Variants in PLXDC2 observed in about 807,000 individuals in gnomAD.
PLXDC2 encodes the protein plexin domain-containing protein 2.
PLXDC2 carries 40 observed loss-of-function variants against 68.9 expected under a neutral mutation model. The observed-to-expected ratio is 0.58, with a 90% CI of 0.45 to 0.76. The LOEUF is 0.76. Ranked by LOEUF, PLXDC2 falls within the 30% of genes least tolerant of loss-of-function variation. The probability of loss-of-function intolerance (pLI) is 0.00; values close to 1 mark genes in which losing one functional copy is unlikely to be tolerated. For missense variants in PLXDC2, 644 were observed against 661.9 expected, an observed-to-expected ratio of 0.97 and a Z score of 0.30; for synonymous variants, 243 against 234.2, an observed-to-expected ratio of 1.04 and a Z score of -0.34.
intron 9 of PLXDC2, among the ~76,000 whole-genome samples, chr10:20,207,802 C>A (rs75663357): frequency 1.3e-5 from 2 of 152,098 alleles, no homozygotes; most frequent in Admixed American, 6.6e-5. Context: ...CACACTTAAG[C>A]TTGTTCAACA....
intron 1 of PLXDC2, among the ~76,000 whole-genome samples, chr10:19,862,548 T>C (rs768685331): frequency 6.6e-6 from 1 of 152,234 alleles, no homozygotes; most frequent in Non-Finnish European, 1.5e-5. Context: ...TTCTCTTCTC[T>C]TAATTTGTGT....
intron 1 of PLXDC2, among the ~76,000 whole-genome samples, chr10:19,822,029 C>A (rs937547531): frequency 1.8e-4 from 28 of 151,938 alleles, no homozygotes; most frequent in African/African-American, 6.5e-4. Flanking sequence ...ATTTGTATTT[C>A]CGTGTCTGAA....
chr10:20,061,887 T>TG (rs1487584951), intron 3 of PLXDC2, among the ~76,000 whole-genome samples: 1 of 152,222 alleles, frequency 6.6e-6, no homozygotes, highest in Non-Finnish European at 1.5e-5. Context: ...GATAATGCAC[T>TG]GGTGTATTTG....
At chr10:19,819,031 T>TACACACACACACACACACACACAC in intron 1 of PLXDC2, among the ~76,000 whole-genome samples, 1 of 147,724 alleles carries the variant, frequency 6.8e-6, no homozygotes, top group East Asian at 2.0e-4. Flanking sequence ...AATATATGTA[T>TACACACACACACACACACACACAC]ACACACACAC....
At chr10:20,177,484 A>T in intron 9 of PLXDC2, 75 bp downstream of exon 9, 1 of 763,534 alleles carries the variant, frequency 1.3e-6, no homozygotes, top group Non-Finnish European at 1.8e-6. Flanking sequence ...AAAATAACTT[A>T]TGGACAGGTG....
intron 1 of PLXDC2, among the ~76,000 whole-genome samples, chr10:19,939,630 T>A (rs974035210): frequency 1.3e-5 from 2 of 152,140 alleles, no homozygotes; most frequent in Admixed American, 6.5e-5. Flanking sequence ...GGGCTGAAAA[T>A]TTTTCCCTCT....
chr10:20,063,013 A>G (rs1836132527), intron 3 of PLXDC2, among the ~76,000 whole-genome samples: 1 of 152,130 alleles, frequency 6.6e-6, no homozygotes, highest in African/African-American at 2.4e-5. Flanking sequence ...TTTTTGAAAA[A>G]AAATCATAAA....
intron 6 of PLXDC2, among the ~76,000 whole-genome samples, chr10:20,160,866 G>A (rs1458978737): frequency 6.6e-6 from 1 of 152,130 alleles, no homozygotes; most frequent in South Asian, 2.1e-4. Flanking sequence ...GTGTGCACCT[G>A]TAGTCCCAGC....
At chr10:19,885,347 C>G (rs1305631578) in intron 1 of PLXDC2, among the ~76,000 whole-genome samples, 1 of 150,740 alleles carries the variant, frequency 6.6e-6, no homozygotes, top group African/African-American at 2.4e-5. Flanking sequence ...TGCAGAAGCT[C>G]TTTAGTTTAA....
chr10:20,146,522 C>CCTTCCTTCCTT (rs34536505), intron 5 of PLXDC2, among the ~76,000 whole-genome samples: 6 of 13,546 alleles, frequency 4.4e-4, no homozygotes, highest in African/African-American at 7.7e-4. Flanking sequence ...CTTCCTTCCT[C>CCTTCCTTCCTT]CCTCCCTCCC....
chr10:19,851,634 C>T (rs1454315904), intron 1 of PLXDC2, among the ~76,000 whole-genome samples: 1 of 152,142 alleles, frequency 6.6e-6, no homozygotes, highest in Non-Finnish European at 1.5e-5. Flanking sequence ...CAACCTCCAC[C>T]TCCTGGGTTC....
At chr10:19,822,327 T>C (rs1302101460) in intron 1 of PLXDC2, among the ~76,000 whole-genome samples, 1 of 151,014 alleles carries the variant, frequency 6.6e-6, no homozygotes, top group Non-Finnish European at 1.5e-5. Flanking sequence ...ATGGAATGTA[T>C]ATGCACTACA....
chr10:20,141,805 A>G (rs1247668311), intron 4 of PLXDC2, among the ~76,000 whole-genome samples: 3 of 152,068 alleles, frequency 2.0e-5, no homozygotes, highest in African/African-American at 4.8e-5. Context: ...AATATGCTTG[A>G]GCTGTGTGAA....
chr10:20,214,555 A>G (rs796326085), intron 10 of PLXDC2, among the ~76,000 whole-genome samples: 88 of 152,240 alleles, frequency 5.8e-4, no homozygotes, highest in African/African-American at 1.9e-3. Context: ...TACAGCTCCT[A>G]CTGTCTTTAT....
rs554623902 is a variant in PLXDC2 at position 20,260,877 on chromosome 10, T to C, written c.1473+15372T>C. Among the ~76,000 whole-genome samples the C allele has an allele frequency of 2.0e-5, 3 of 152,344 alleles. No individual in the cohort carries two copies. In the East Asian group the frequency reaches 5.8e-4, roughly 29 times the overall value. On this transcript the variant is annotated intron_variant, in intron 13 of 13. Transcript: ENST00000377252. ...CACTTGTTATCTCTTGTCTTTTCAA[T>C]AATATTCATCCTACAGGTGTTAGGT... is the stretch of plus-strand genomic sequence containing the variant.
chr10:19,817,807 C>A (rs929567237), intron 1 of PLXDC2, among the ~76,000 whole-genome samples: 5 of 152,216 alleles, frequency 3.3e-5, no homozygotes, highest in Non-Finnish European at 7.3e-5. Flanking sequence ...TGGAGACCTA[C>A]CCCTGCTCCC....
intron 4 of PLXDC2, among the ~76,000 whole-genome samples, chr10:20,106,587 G>C (rs7924216): frequency 0.18 from 27,946 of 152,064 alleles, 3,275 homozygotes; most frequent in East Asian, 0.41. Context: ...AAGAACAGGA[G>C]GGGGGAGCTG....
At chr10:19,970,197 A>G (rs1010446707) in intron 1 of PLXDC2, among the ~76,000 whole-genome samples, 31 of 152,172 alleles carry the variant, frequency 2.0e-4, no homozygotes, top group Admixed American at 2.0e-4. Context: ...GGCTTTGGTC[A>G]AGGCTTTGGT....
chr10:19,936,902 C>A (rs1273484102), intron 1 of PLXDC2, among the ~76,000 whole-genome samples: 1 of 152,178 alleles, frequency 6.6e-6, no homozygotes, highest in Non-Finnish European at 1.5e-5. Flanking sequence ...ATGGCTGTTA[C>A]ATAATATCCT....
Sources: gnomAD v4.1 joint callset for allele counts (sites outside exome capture counted in the v4.1 genomes callset) on GRCh38, gnomAD v4.1.1 for gene constraint, MANE v1.5 for transcripts, NCBI Gene and HGNC (gene_info 2026-07-23, HGNC 2026-07-21) for gene names.